The following CDH13 variants were observed in gnomAD, a reference collection of about 807,000 sequenced individuals.
CDH13 encodes the protein cadherin 13, also known as cadherin-13.
Under a neutral mutation model 63.8 loss-of-function variants are expected in CDH13, and 24 were observed. The ratio of observed to expected loss-of-function variants is 0.38; its 90% confidence interval spans 0.27 to 0.53. The LOEUF (loss-of-function observed/expected upper bound fraction) is 0.53, where lower values mean the gene tolerates loss of function less well. Among genes scored for constraint, CDH13 ranks in the 20% least tolerant of loss-of-function variants. CDH13 has a pLI of 0.85. For synonymous variants in CDH13, 503 were observed against 355.3 expected (o/e 1.42, Z -4.67); for missense variants, 1,049 against 903.1 (o/e 1.16, Z -2.07).
chr16:83,650,473 G>A (rs531030351), intron 8 of CDH13, among the ~76,000 whole-genome samples: 16 of 152,302 alleles, frequency 1.1e-4, no homozygotes, highest in African/African-American at 3.6e-4. Context: ...GTGGGCTGCC[G>A]TACACAGGCA....
intron 1 of CDH13, among the ~76,000 whole-genome samples, chr16:82,692,022 T>C (rs1186999860): frequency 4.6e-5 from 7 of 152,240 alleles, no homozygotes; most frequent in Admixed American, 4.6e-4. Context: ...ATGTTTTTCA[T>C]AATCTGCAAA....
intron 1 of CDH13, among the ~76,000 whole-genome samples, chr16:82,630,251 ACAGCCTGTAAGATTTC>A (rs1485814324): frequency 6.6e-6 from 1 of 152,192 alleles, no homozygotes; most frequent in Non-Finnish European, 1.5e-5. Context: ...TCAATACATG[ACAGCCTGTAAGATTTC>A]CAGAGCACTA....
chr16:82,755,106 C>G (rs1005975222), intron 1 of CDH13, among the ~76,000 whole-genome samples: 2 of 152,178 alleles, frequency 1.3e-5, no homozygotes, highest in African/African-American at 4.8e-5. Context: ...TGGCATGGGT[C>G]GACCTGATAA....
intron 1 of CDH13, among the ~76,000 whole-genome samples, chr16:82,642,878 A>G (rs1909592564): frequency 6.6e-6 from 1 of 152,216 alleles, no homozygotes; most frequent in Non-Finnish European, 1.5e-5. Flanking sequence ...CTTCAGGAGA[A>G]CTTAGTAAAA....
intron 1 of CDH13, among the ~76,000 whole-genome samples, chr16:82,856,299 C>T (rs982145889): frequency 1.3e-5 from 2 of 149,044 alleles, no homozygotes; most frequent in Non-Finnish European, 3.0e-5. Flanking sequence ...TGGCGTCAAG[C>T]TGGGGGCGGA....
chr16:83,101,272 C>T (rs2034465631), intron 3 of CDH13, among the ~76,000 whole-genome samples: 1 of 150,046 alleles, frequency 6.7e-6, no homozygotes, highest in South Asian at 2.1e-4. Context: ...TATACATATA[C>T]ATATACAGAT....
intron 1 of CDH13, among the ~76,000 whole-genome samples, chr16:82,714,049 T>G (rs540494803): frequency 2.0e-5 from 3 of 152,260 alleles, no homozygotes; most frequent in South Asian, 4.2e-4. Flanking sequence ...TTCACCTGTC[T>G]CGGCCTTCCA....
chr16:82,731,935 C>A (rs573276404), intron 1 of CDH13, among the ~76,000 whole-genome samples: 86 of 152,234 alleles, frequency 5.6e-4, no homozygotes, highest in Admixed American at 9.2e-4. Context: ...AGCTTCCAGG[C>A]CTTTGAGTGG....
At chr16:83,136,792 G>A (rs1419035578) in intron 4 of CDH13, among the ~76,000 whole-genome samples, 1 of 152,202 alleles carries the variant, frequency 6.6e-6, no homozygotes, top group Non-Finnish European at 1.5e-5. Context: ...CTGAATGCAG[G>A]TTCCCAGATT....
intron 8 of CDH13, among the ~76,000 whole-genome samples, chr16:83,616,635 G>A (rs1231674521): frequency 2.0e-5 from 3 of 152,076 alleles, no homozygotes; most frequent in Admixed American, 6.6e-5. Context: ...CTAAGAATAT[G>A]ACATGACTAC....
At chr16:83,680,815 G>A (rs1433582136) in intron 10 of CDH13, among the ~76,000 whole-genome samples, 1 of 151,962 alleles carries the variant, frequency 6.6e-6, no homozygotes, top group Non-Finnish European at 1.5e-5. Context: ...ACTTGCATAG[G>A]TCAGCGCACC....
chr16:83,664,455 A>G (rs928001430), intron 8 of CDH13, among the ~76,000 whole-genome samples: 5 of 151,662 alleles, frequency 3.3e-5, no homozygotes, highest in South Asian at 2.1e-4. Context: ...AGAACTCTGT[A>G]CTGTATACTG....
chr16:82,822,604 C>G (rs1482708398), intron 1 of CDH13, among the ~76,000 whole-genome samples: 1 of 152,148 alleles, frequency 6.6e-6, no homozygotes, highest in African/African-American at 2.4e-5. Flanking sequence ...AAGAGATCCT[C>G]CTGCCTTAGC....
At chr16:83,235,596 T>TC (rs2040121502) in intron 5 of CDH13, among the ~76,000 whole-genome samples, 1 of 151,368 alleles carries the variant, frequency 6.6e-6, no homozygotes, top group African/African-American at 2.4e-5. Flanking sequence ...TTTTTTTTTT[T>TC]TCTCATTGCA....
chr16:83,301,035 T>TTG (rs2089726409), intron 5 of CDH13, among the ~76,000 whole-genome samples: 1 of 132,806 alleles, frequency 7.5e-6, no homozygotes, highest in East Asian at 2.3e-4. Flanking sequence ...GTTTTTTTTT[T>TTG]TTTTTTTTTT....
chr16:83,044,654 C>T (rs548469955), intron 3 of CDH13, among the ~76,000 whole-genome samples: 2 of 152,286 alleles, frequency 1.3e-5, no homozygotes, highest in Admixed American at 6.5e-5. Context: ...ATATGCATTA[C>T]CCGATTTAAG....
chr16:82,744,615 A>G (rs866323569), intron 1 of CDH13, among the ~76,000 whole-genome samples: 4 of 152,098 alleles, frequency 2.6e-5, no homozygotes, highest in African/African-American at 9.7e-5. Flanking sequence ...AGGAGCTATA[A>G]CAGGGTTAGA....
chr16:82,693,114 A>G (rs1010421146), intron 1 of CDH13, among the ~76,000 whole-genome samples: 1 of 152,146 alleles, frequency 6.6e-6, no homozygotes, highest in Non-Finnish European at 1.5e-5. Context: ...GTCTCAGTAT[A>G]ATAGCCTCAA....
intron 10 of CDH13, among the ~76,000 whole-genome samples, chr16:83,682,260 C>G (rs562870481): frequency 6.6e-6 from 1 of 152,112 alleles, no homozygotes; most frequent in African/African-American, 2.4e-5. Flanking sequence ...AGACCCACAC[C>G]AGGGAGGCTC....
Sources: gnomAD v4.1 joint callset for allele counts (sites outside exome capture counted in the v4.1 genomes callset) on GRCh38, gnomAD v4.1.1 for gene constraint, MANE v1.5 for transcripts, NCBI Gene and HGNC (gene_info 2026-07-23, HGNC 2026-07-21) for gene names.